STK10: variants seen among roughly 807,000 people sequenced by gnomAD.
STK10 encodes the protein serine/threonine kinase 10.
STK10 carries 78 observed loss-of-function variants against 113.8 expected under a neutral mutation model. That is an observed-to-expected ratio of 0.69 (90% CI 0.57 to 0.83). STK10 has a LOEUF of 0.83. STK10 is among the 40% of genes least tolerant of loss of function. The probability of loss-of-function intolerance (pLI) is 0.00; values close to 1 mark genes in which losing one functional copy is unlikely to be tolerated. For missense variants in STK10, 1,109 were observed against 1,280.1 expected (o/e 0.87, Z 2.04); for synonymous variants, 465 against 494.7 (o/e 0.94, Z 0.80).
In STK10 at chr5:172,082,232, T is replaced by A; in HGVS notation, c.1989+94A>T. On this transcript the variant is annotated intron_variant, in intron 12 of 18. Transcript: ENST00000176763. This position sits in a 1 kb window ranked among gnomAD's most constrained non-coding sequence, Gnocchi z 4.3. ...CCCGAGCTCTTCAGCCGTACCCCTC[T>A]GCTGCCAAGGTGAGGTTGAGGCCAC... 1 of 1,388,244 alleles carries A rather than the reference T, an allele frequency of 7.2e-7. No homozygotes were observed. Among genetic ancestry groups the A allele is most frequent in the Non-Finnish European group, 9.5e-7 (1 of 1,054,456 alleles). 86.0% of individuals were successfully genotyped at this position (1,388,244 alleles called of 1,614,324 possible).
chr5:172,089,615 T>A (rs1042894295), intron 10 of STK10, among the ~76,000 whole-genome samples: 1 of 151,730 alleles, frequency 6.6e-6, no homozygotes, highest in Non-Finnish European at 1.5e-5. Context: ...GGTGATTGGG[T>A]GGATGGATAG....
Position 172,079,571 on chromosome 5 carries a change from TTA to T in STK10, c.1989+2753_1989+2754del, listed in dbSNP as rs1413036229. 5.1e-3 allele frequency among the ~76,000 whole-genome samples: 718 copies of T among 141,214 alleles called. 5 individuals are homozygous for T. Among genetic ancestry groups the T allele is most frequent in the African/African-American group, 0.02 (681 of 34,138 alleles). 92.6% of individuals were successfully genotyped at this position (141,214 alleles called of 152,430 possible). The stretch of plus-strand genomic sequence containing the variant: ...TATATTTATTTATTTATTTATTTAT[TTA>T]TTTTTGAGATGGAGTTTTGCTCTTG... On this transcript the variant is annotated intron_variant, in intron 12 of 18. Transcript: ENST00000176763.
At chr5:172,147,539 A>C (rs1159871930) in intron 2 of STK10, among the ~76,000 whole-genome samples, 1 of 152,074 alleles carries the variant, frequency 6.6e-6, no homozygotes, top group Admixed American at 6.6e-5. Context: ...CCACAGGCAC[A>C]TGTCACCATG....
chr5:172,061,762 G>A (rs949129891), intron 13 of STK10: 3 of 152,596 alleles, frequency 2.0e-5, no homozygotes, highest in Admixed American at 6.5e-5. Flanking sequence ...ACAACATGAC[G>A]TTGTTCAGCA....
chr5:172,079,023 G>C (rs2113726211), intron 12 of STK10, among the ~76,000 whole-genome samples: 1 of 152,202 alleles, frequency 6.6e-6, no homozygotes, highest in East Asian at 1.9e-4. Context: ...GAGGGAATGG[G>C]CATCTACCCA....
intron 1 of STK10, among the ~76,000 whole-genome samples, chr5:172,185,758 C>T (rs894377753): frequency 6.6e-6 from 1 of 152,188 alleles, no homozygotes; most frequent in Admixed American, 6.5e-5. Flanking sequence ...GGCTGAGGAT[C>T]GTTCTCTGGT....
intron 18 of STK10, among the ~76,000 whole-genome samples, chr5:172,048,850 A>G (rs547322339): frequency 6.7e-6 from 1 of 149,524 alleles, no homozygotes; most frequent in Admixed American, 6.7e-5. Flanking sequence ...CTCTGACTTT[A>G]CCTCCTATCA....
intron 9 of STK10, 33 bp from the exon 10 acceptor site, chr5:172,090,395 C>A: frequency 6.2e-7 from 1 of 1,608,126 alleles, no homozygotes; most frequent in Non-Finnish European, 8.5e-7. Context: ...CAAGTCTCAG[C>A]ATTTCAGCTA....
chr5:172,083,916 C>CA (rs1208927534), intron 10 of STK10, among the ~76,000 whole-genome samples: 30 of 38,402 alleles, frequency 7.8e-4, no homozygotes, highest in East Asian at 2.5e-3. Context: ...CTCAACAACA[C>CA]AAAAAAAAGA....
At position 172,107,721 on chromosome 5, in the gene STK10, G is replaced by A. The variant is rs878935052; in HGVS notation, c.593+59C>T. 46 of 1,563,120 alleles carry A rather than the reference G, an allele frequency of 2.9e-5. 1 individual carries two copies. In the South Asian group the frequency reaches 4.9e-4, roughly 17 times the overall value. ...CCCTCTCTGTCTAAAGCGCCTGGTG[G>A]TCACCTTGGAGAGTTTTTACATCCA... On this transcript the variant is annotated intron_variant, in intron 5 of 18. Transcript: ENST00000176763.
rs144862503 is a variant in STK10 at position 172,101,629 on chromosome 5, G to T, written c.870+4027C>A. Among the ~76,000 whole-genome samples, 417 of 152,286 alleles carry T rather than the reference G, an allele frequency of 2.7e-3. 2 individuals are homozygous for T. The highest frequency in any genetic ancestry group is 9.4e-3 in the African/African-American group (390 of 41,548). On this transcript the variant is annotated intron_variant, in intron 7 of 18. Transcript: ENST00000176763. ...GGGAGCTTGACAACAAACCTAATAA[G>T]CAGGCAAGTTATATCCTGAGTGCCA...
At chr5:172,116,238 G>A (rs963272730) in intron 4 of STK10, among the ~76,000 whole-genome samples, 2 of 152,012 alleles carry the variant, frequency 1.3e-5, no homozygotes, top group Admixed American at 1.3e-4. Context: ...GTGCCACCAC[G>A]CCCGGCTAAT....
chr5:172,125,027 G>A (rs1769591542), intron 3 of STK10, among the ~76,000 whole-genome samples: 1 of 152,122 alleles, frequency 6.6e-6, no homozygotes, highest in South Asian at 2.1e-4. Context: ...TGCGTTTGTT[G>A]CAAATTTGAC....
chr5:172,080,022 T>C (rs1000774899), intron 12 of STK10, among the ~76,000 whole-genome samples: 1 of 152,198 alleles, frequency 6.6e-6, no homozygotes, highest in Non-Finnish European at 1.5e-5. Context: ...AGTCTATCAG[T>C]GTCATTTTTC....
chr5:172,175,883 C>CCT (rs1392258981), intron 1 of STK10, among the ~76,000 whole-genome samples: 2 of 152,206 alleles, frequency 1.3e-5, no homozygotes, highest in African/African-American at 2.4e-5. Flanking sequence ...GTCTCTGCTT[C>CCT]ATCAGGTGTG....
chr5:172,132,493 C>T (rs1284068749), intron 2 of STK10, among the ~76,000 whole-genome samples: 1 of 152,036 alleles, frequency 6.6e-6, no homozygotes, highest in Non-Finnish European at 1.5e-5. Flanking sequence ...GTCCAGTCCC[C>T]TGCTTCCTGG....
chr5:172,132,486 C>G (rs1232048211), intron 2 of STK10, among the ~76,000 whole-genome samples: 1 of 151,980 alleles, frequency 6.6e-6, no homozygotes, highest in East Asian at 1.9e-4. Flanking sequence ...CCCAGTGGTC[C>G]AGTCCCCTGC....
intron 12 of STK10, among the ~76,000 whole-genome samples, chr5:172,076,909 G>A (rs888556504): frequency 1.1e-4 from 14 of 124,156 alleles, no homozygotes; most frequent in Non-Finnish European, 1.7e-5. Flanking sequence ...AGAAGCAGCA[G>A]TTTAGTAAAG....
intron 10 of STK10, among the ~76,000 whole-genome samples, chr5:172,084,812 G>GA (rs1192001404): frequency 6.6e-6 from 1 of 152,080 alleles, no homozygotes; most frequent in African/African-American, 2.4e-5. Context: ...TCCCTAATCT[G>GA]AAAATCTGAA....
Sources: gnomAD v4.1 joint callset for allele counts (sites outside exome capture counted in the v4.1 genomes callset) on GRCh38, gnomAD v4.1.1 for gene constraint, Gnocchi (gnomAD v3.1) non-coding constraint, MANE v1.5 for transcripts, NCBI Gene and HGNC (gene_info 2026-07-23, HGNC 2026-07-21) for gene names.